Variants in KCNIP1 observed in about 807,000 individuals in gnomAD.
KCNIP1 encodes the protein potassium voltage-gated channel interacting protein 1.
A neutral mutation model predicts 33.0 loss-of-function variants in KCNIP1; 18 were observed. That is an observed-to-expected ratio of 0.55 (90% CI 0.38 to 0.81). KCNIP1 has a LOEUF of 0.81. Among genes scored for constraint, KCNIP1 ranks in the 30% least tolerant of loss-of-function variants. KCNIP1 has a pLI of 0.00. For synonymous variants in KCNIP1, 93 were observed against 98.3 expected (o/e 0.95, Z 0.32); for missense variants, 238 against 271.6 (o/e 0.88, Z 0.87).
At chr5:170,625,638 C>G (rs538605455) in intron 1 of KCNIP1, among the ~76,000 whole-genome samples, 1 of 152,184 alleles carries the variant, frequency 6.6e-6, no homozygotes, top group Non-Finnish European at 1.5e-5. Flanking sequence ...CACTTTCCCT[C>G]GGCTAGTCTT....
At chr5:170,565,589 A>G (rs1757177450) in intron 1 of KCNIP1, among the ~76,000 whole-genome samples, 1 of 152,230 alleles carries the variant, frequency 6.6e-6, no homozygotes, top group South Asian at 2.1e-4. Context: ...AGTACCTACT[A>G]TGTGCCAGGC....
At chr5:170,597,792 T>G (rs1203696690) in intron 1 of KCNIP1, among the ~76,000 whole-genome samples, 1 of 1,224 alleles carries the variant, frequency 8.2e-4, no homozygotes, top group African/African-American at 1.3e-3. Context: ...TAAATATATA[T>G]ATATATATAT....
At chr5:170,676,066 T>G (rs1017844716) in intron 1 of KCNIP1, among the ~76,000 whole-genome samples, 2 of 129,738 alleles carry the variant, frequency 1.5e-5, no homozygotes, top group African/African-American at 6.3e-5. Flanking sequence ...GGGAGGAAGA[T>G]GAAAGAAGGA....
chr5:170,578,124 C>T (rs1029138431), intron 1 of KCNIP1, among the ~76,000 whole-genome samples: 1 of 152,182 alleles, frequency 6.6e-6, no homozygotes, highest in African/African-American at 2.4e-5. Flanking sequence ...TGCTCTAAAC[C>T]TCAGAGGCCC....
chr5:170,573,248 A>T (rs1057510611), intron 1 of KCNIP1, among the ~76,000 whole-genome samples: 2 of 152,198 alleles, frequency 1.3e-5, no homozygotes, highest in African/African-American at 4.8e-5. Context: ...CTGGTGTGTT[A>T]TCTATCCTTG....
chr5:170,712,473 G>A (rs1763483824), intron 1 of KCNIP1, among the ~76,000 whole-genome samples: 3 of 152,182 alleles, frequency 2.0e-5, no homozygotes, highest in African/African-American at 7.2e-5. Context: ...GGGGGAATGG[G>A]GGCCTCCTGA....
At chr5:170,464,120 G>A (rs566167614) in intron 1 of KCNIP1, among the ~76,000 whole-genome samples, 98 of 151,958 alleles carry the variant, frequency 6.4e-4, no homozygotes, top group African/African-American at 2.3e-3. Context: ...CTCTAAACAC[G>A]ACAAAATATC....
intron 1 of KCNIP1, among the ~76,000 whole-genome samples, chr5:170,559,071 C>T (rs975431298): frequency 6.6e-6 from 1 of 152,194 alleles, no homozygotes; most frequent in Non-Finnish European, 1.5e-5. Context: ...CTGTATCTGG[C>T]AGCTGTATGA....
intron 1 of KCNIP1, among the ~76,000 whole-genome samples, chr5:170,488,151 C>G (rs1468244833): frequency 6.6e-6 from 1 of 152,196 alleles, no homozygotes; most frequent in Non-Finnish European, 1.5e-5. Flanking sequence ...TTCTCTTTCT[C>G]ACCAAACCAG....
At chr5:170,721,289 G>T (rs1763812615) in intron 3 of KCNIP1, among the ~76,000 whole-genome samples, 1 of 152,180 alleles carries the variant, frequency 6.6e-6, no homozygotes, top group African/African-American at 2.4e-5. Flanking sequence ...GAGTTCCACT[G>T]AGCCACTGTT....
intron 1 of KCNIP1, among the ~76,000 whole-genome samples, chr5:170,410,581 A>G (rs1755160593): frequency 6.6e-6 from 1 of 152,098 alleles, no homozygotes; most frequent in South Asian, 2.1e-4. Flanking sequence ...GCCCTGTGGA[A>G]AGGGAACTGA....
chr5:170,689,909 G>T (rs1053201846), intron 1 of KCNIP1, among the ~76,000 whole-genome samples: 5 of 152,120 alleles, frequency 3.3e-5, no homozygotes, highest in African/African-American at 4.8e-5. Context: ...CATCAAATCA[G>T]GCCCCCCTCT....
intron 1 of KCNIP1, chr5:170,378,667 T>C (rs1258407300): frequency 3.2e-6 from 5 of 1,565,648 alleles, no homozygotes; most frequent in African/African-American, 1.4e-5. Flanking sequence ...GCCAGTCCCC[T>C]GTGCCCTGAC....
intron 1 of KCNIP1, chr5:170,422,170 A>G (rs945377952): frequency 6.6e-6 from 1 of 152,264 alleles, no homozygotes; most frequent in African/African-American, 2.4e-5. Flanking sequence ...ATAGACAAAC[A>G]GCAAGAAAAC....
intron 1 of KCNIP1, among the ~76,000 whole-genome samples, chr5:170,556,577 C>A (rs1354339677): frequency 6.6e-6 from 1 of 152,148 alleles, no homozygotes; most frequent in Non-Finnish European, 1.5e-5. Context: ...GGCAGAGGAA[C>A]AAGGACAGGG....
At chr5:170,360,333 A>C (rs1450607165) in intron 1 of KCNIP1, among the ~76,000 whole-genome samples, 3 of 152,208 alleles carry the variant, frequency 2.0e-5, no homozygotes, top group South Asian at 2.1e-4. Flanking sequence ...CCTGGGCTCC[A>C]ACCCTGCCAT....
intron 1 of KCNIP1, among the ~76,000 whole-genome samples, chr5:170,477,205 C>T (rs1756874863): frequency 6.6e-6 from 1 of 151,798 alleles, no homozygotes. Context: ...CTATATGTTA[C>T]TTGGACCTGT....
chr5:170,409,783 TG>T (rs1241228276), intron 1 of KCNIP1, among the ~76,000 whole-genome samples: 2 of 152,182 alleles, frequency 1.3e-5, no homozygotes, highest in Admixed American at 1.3e-4. Context: ...CTGAGGAATT[TG>T]GTTGAGTTAC....
chr5:170,633,597 A>T (rs1412677136), intron 1 of KCNIP1, among the ~76,000 whole-genome samples: 8 of 148,920 alleles, frequency 5.4e-5, no homozygotes, highest in African/African-American at 2.0e-4. Context: ...GATGTGTTCC[A>T]GGAATGTTTC....
Sources: gnomAD v4.1 joint callset for allele counts (sites outside exome capture counted in the v4.1 genomes callset) on GRCh38, gnomAD v4.1.1 for gene constraint, MANE v1.5 for transcripts, NCBI Gene and HGNC (gene_info 2026-07-23, HGNC 2026-07-21) for gene names.